Variants in MINK1 observed in about 807,000 individuals in gnomAD.
MINK1 encodes misshapen like kinase 1.
MINK1 carries 46 observed loss-of-function variants against 178.4 expected under a neutral mutation model. That is an observed-to-expected ratio of 0.26 (90% CI 0.20 to 0.33). The LOEUF is 0.33. Ranked by LOEUF, MINK1 falls within the 10% of genes least tolerant of loss-of-function variation. MINK1 has a pLI of 1.00. For missense variants in MINK1, 1,366 were observed against 1,814.9 expected (o/e 0.75, Z 4.49); for synonymous variants, 797 against 709.7 (o/e 1.12, Z -1.96).
At chr17:4,839,278 A>T (rs1429128791) in intron 1 of MINK1, among the ~76,000 whole-genome samples, 1 of 152,074 alleles carries the variant, frequency 6.6e-6, no homozygotes, top group African/African-American at 2.4e-5. Flanking sequence ...GTTTTCCTCA[A>T]TATCCTGCAA....
chr17:4,839,938 A>AGTGT lies in MINK1; in HGVS notation c.57+6298_57+6299insGTGT, dbSNP rs1567553459. 5.9e-5 allele frequency among the ~76,000 whole-genome samples: 6 copies of AGTGT among 102,394 alleles called. No homozygotes were observed. The East Asian group carries it at 1.3e-3, about 23-fold the overall frequency. 67.2% of individuals were successfully genotyped at this position (102,394 alleles called of 152,430 possible). A position where few individuals can be genotyped will look rare whatever the true frequency, so the allele number is the denominator to read the frequency against. ...GACATTAATCAAGTAATTATTTATTAATGTGTGTGTGTGTGTGTGTGTGTG... is the reference window on the plus strand; with the variant it reads ...GACATTAATCAAGTAATTATTTATTAGTGTATGTGTGTGTGTGTGTGTGTGTGTG... On this transcript the variant is annotated intron_variant, in intron 1 of 31. Transcript: ENST00000355280.
rs528171246 is a variant in MINK1 at position 4,847,111 on chromosome 17, G to A, written c.57+13471G>A. 54 of 459,058 alleles carry A rather than the reference G, an allele frequency of 1.2e-4. No individual in the cohort carries two copies. In the East Asian group the frequency reaches 3.5e-3, roughly 30 times the overall value. The allele number at this position is 459,058 out of a possible 1,614,324, so 28.4% of individuals were successfully genotyped here. ...GGCCCAAATTGCCTATCTCTAAAGA[G>A]CTGTCAGTGGGAGGCCTGCTAACAC... On this transcript the variant is annotated intron_variant, in intron 1 of 31. Transcript: ENST00000355280.
intron 1 of MINK1, among the ~76,000 whole-genome samples, chr17:4,867,013 T>C (rs1264664685): frequency 1.4e-5 from 2 of 147,424 alleles, no homozygotes; most frequent in Non-Finnish European, 3.0e-5. Flanking sequence ...GCGGAGCTTG[T>C]AGTGAACCGG....
At position 4,885,375 on chromosome 17, in the gene MINK1, G is replaced by A. The variant is rs1432019014; in HGVS notation, c.509-108G>A. ...GAGGGTGCTGGGGTGTCTGGGTCGG[G>A]CCAGGACCACAGCTGGCTCAGGCAA... On this transcript the variant is annotated intron_variant, in intron 6 of 31. Transcript: ENST00000355280. This position sits in a 1 kb window ranked among gnomAD's most constrained non-coding sequence, Gnocchi z 5.0. 2.0e-6 allele frequency: 3 copies of A among 1,475,510 alleles called. No homozygotes were observed. Among genetic ancestry groups the A allele is most frequent in the East Asian group, 4.5e-5 (2 of 43,960 alleles). 91.4% of individuals were successfully genotyped at this position (1,475,510 alleles called of 1,614,324 possible).
In MINK1 at chr17:4,838,104, C is replaced by G. The variant is rs139260848; in HGVS notation, c.57+4464C>G. 1.9e-3 allele frequency among the ~76,000 whole-genome samples: 293 copies of G among 152,312 alleles called. 1 individual carries two copies. Among genetic ancestry groups the G allele is most frequent in the Non-Finnish European group, 3.2e-3 (220 of 68,036 alleles). ...GCAGGAGAATGGGAAGAGTGACCTC[C>G]TGCTGCAGAAGTAAGGACATTCAAT... On this transcript the variant is annotated intron_variant, in intron 1 of 31. Coordinates refer to ENST00000355280, the MANE Select transcript of MINK1 (RefSeq NM_153827.5).
At chr17:4,839,939 A>ATG (rs34473686) in intron 1 of MINK1, among the ~76,000 whole-genome samples, 3,055 of 141,874 alleles carry the variant, frequency 0.022, 44 homozygotes, top group African/African-American at 0.03. Context: ...TTATTTATTA[A>ATG]TGTGTGTGTG....
chr17:4,837,671 C>T (rs976788434), intron 1 of MINK1, among the ~76,000 whole-genome samples: 2 of 152,216 alleles, frequency 1.3e-5, no homozygotes, highest in African/African-American at 2.4e-5. Flanking sequence ...GGGCAGGCCC[C>T]GGCCTGACCT....
intron 1 of MINK1, among the ~76,000 whole-genome samples, chr17:4,871,911 A>C (rs1382199137): frequency 6.6e-6 from 1 of 152,100 alleles, no homozygotes; most frequent in East Asian, 1.9e-4. Context: ...CAGTGGCATG[A>C]CCATAGCTCA....
chr17:4,849,868 C>G (rs542463020), intron 1 of MINK1, among the ~76,000 whole-genome samples: 1 of 152,162 alleles, frequency 6.6e-6, no homozygotes, highest in Non-Finnish European at 1.5e-5. Flanking sequence ...CCACCGCGCC[C>G]GGCTGGTCTC....
Position 4,881,275 on chromosome 17 carries a change from G to A in MINK1, c.306+18G>A. ...AGCTCTGGGTGAGAAACGCCCCCCT[G>A]CCCGCCTTCCCTCCCCGCAATCCCT... On this transcript the variant is annotated intron_variant, in intron 4 of 31. Coordinates refer to ENST00000355280, the MANE Select transcript of MINK1 (RefSeq NM_153827.5). 6.5e-7 allele frequency: 1 copy of A among 1,535,742 alleles called. No individual in the cohort carries two copies.
At chr17:4,858,545 C>G (rs375970986) in intron 1 of MINK1, among the ~76,000 whole-genome samples, 1 of 150,040 alleles carries the variant, frequency 6.7e-6, no homozygotes, top group Non-Finnish European at 1.5e-5. Context: ...GGTGCAGTCT[C>G]GGCTCACTGC....
chr17:4,870,560 C>A lies in MINK1; in HGVS notation c.58-7757C>A, dbSNP rs374012821. The stretch of plus-strand genomic sequence containing the variant: ...ATATTTTAGGCCAGGTGTGGTGGCT[C>A]ATGCCTGTAATGCCAGCACTTTGGG... On this transcript the variant is annotated intron_variant, in intron 1 of 31. Coordinates refer to ENST00000355280, the MANE Select transcript of MINK1 (RefSeq NM_153827.5). Among the ~76,000 whole-genome samples, 27 of 152,160 alleles carry A rather than the reference C, an allele frequency of 1.8e-4. No homozygotes were observed. The East Asian group carries it at 3.9e-3, about 22-fold the overall frequency.
intron 5 of MINK1, 41 bp downstream of exon 5, chr17:4,884,514 C>G (rs775062347): frequency 6.9e-7 from 1 of 1,451,032 alleles, no homozygotes; most frequent in Non-Finnish European, 9.7e-7. Flanking sequence ...CCTCCGCTAC[C>G]CTGGCTGGAG....
At chr17:4,855,610 C>T (rs1912969860) in intron 1 of MINK1, among the ~76,000 whole-genome samples, 1 of 146,892 alleles carries the variant, frequency 6.8e-6, no homozygotes, top group Middle Eastern at 3.3e-3. Context: ...ATCTACTAAA[C>T]ATACAAAAAA....
At chr17:4,847,230 G>GTTCATTCATTCATTCA (rs59076401) in intron 1 of MINK1, 5 of 460,886 alleles carry the variant, frequency 1.1e-5, no homozygotes, top group African/African-American at 2.0e-5. Flanking sequence ...TTTGGTTCCA[G>GTTCATTCATTCATTCA]TTCATTCATT....
intron 5 of MINK1, 61 bp from the exon 6 acceptor site, chr17:4,884,851 C>G: frequency 6.9e-7 from 1 of 1,449,138 alleles, no homozygotes; most frequent in Non-Finnish European, 9.6e-7. Flanking sequence ...ACTCACTCCC[C>G]ACTTACTCTT....
intron 1 of MINK1, among the ~76,000 whole-genome samples, chr17:4,858,200 T>C: frequency 6.6e-6 from 1 of 152,108 alleles, no homozygotes; most frequent in Non-Finnish European, 1.5e-5. Context: ...CCCCACTGGG[T>C]ATAGCCACTG....
At chr17:4,889,842 C>T in intron 13 of MINK1, 79 bp downstream of exon 13, 1 of 923,916 alleles carries the variant, frequency 1.1e-6, no homozygotes, top group Non-Finnish European at 1.6e-6. Context: ...CGTGCCCTTC[C>T]CCCTTCTCTC....
Position 4,876,362 on chromosome 17 carries a change from G to A in MINK1, c.58-1955G>A, listed in dbSNP as rs553163955. Among the ~76,000 whole-genome samples, 6 of 152,308 alleles carry A rather than the reference G, an allele frequency of 3.9e-5. No homozygotes were observed. In the East Asian group the frequency reaches 1.2e-3, roughly 29 times the overall value. On this transcript the variant is annotated intron_variant, in intron 1 of 31. Transcript: ENST00000355280. ...AAGTAAATGTAGAGCACAATGCCTC[G>A]TGATACATGCTCTGATGGGGCAGGC...
Sources: allele counts gnomAD v4.1 joint callset (sites outside exome capture counted in the v4.1 genomes callset), GRCh38; gene constraint gnomAD v4.1.1; non-coding constraint Gnocchi (gnomAD v3.1); transcripts MANE v1.5; gene names NCBI Gene and HGNC (gene_info 2026-07-23, HGNC 2026-07-21).